TPR: variants seen among roughly 807,000 people sequenced by gnomAD.
The protein encoded by TPR is translocated promoter region, nuclear basket protein.
A neutral mutation model predicts 316.1 loss-of-function variants in TPR; 51 were observed. That is an observed-to-expected ratio of 0.16 (90% CI 0.13 to 0.20). The LOEUF (loss-of-function observed/expected upper bound fraction) is 0.20, where lower values mean the gene tolerates loss of function less well. TPR is among the 10% of genes least tolerant of loss of function. The pLI is 1.00. For missense variants in TPR, 2,272 were observed against 2,754.8 expected (o/e 0.82, Z 3.92); for synonymous variants, 981 against 914.7 (o/e 1.07, Z -1.31).
chr1:186,333,479 C>T, intron 36 of TPR, 85 bp from the exon 37 acceptor site: 2 of 1,516,484 alleles, frequency 1.3e-6, no homozygotes, highest in African/African-American at 1.4e-5. Context: ...GTACATGTCA[C>T]CTTTCACACA....
rs1221995603 is a variant in TPR at position 186,318,847 on chromosome 1, A to G, written c.6569-19T>C. 3.1e-6 allele frequency: 5 copies of G among 1,605,202 alleles called. No homozygotes were observed. The highest frequency in any genetic ancestry group is 4.3e-6 in the Non-Finnish European group (5 of 1,174,442). On this transcript the variant is annotated intron_variant, in intron 46 of 50. Transcript: ENST00000367478. ...CCTAAACCTAAAGACAATTCTGAAT[A>G]TTAATGAATGACTGAAAAAAACATA...
chr1:186,342,867 G>A (rs1234849448), intron 27 of TPR: 1 of 152,012 alleles, frequency 6.6e-6, no homozygotes, highest in Admixed American at 6.6e-5. Context: ...TTGCTCCTTG[G>A]GTGAGAAAGA....
chr1:186,342,554 C>T (rs1392620111), intron 27 of TPR: 1 of 152,160 alleles, frequency 6.6e-6, no homozygotes, highest in Non-Finnish European at 1.5e-5. Flanking sequence ...GGATATAATT[C>T]TGGAACCTTT....
At chr1:186,354,308 A>G (rs1240604243) in intron 17 of TPR, among the ~76,000 whole-genome samples, 3 of 152,186 alleles carry the variant, frequency 2.0e-5, no homozygotes, top group African/African-American at 7.2e-5. Context: ...TAAAAAATCA[A>G]TTATATTTAA....
chr1:186,317,828 G>A (rs569584258), intron 48 of TPR, among the ~76,000 whole-genome samples: 1 of 152,162 alleles, frequency 6.6e-6, no homozygotes, highest in East Asian at 1.9e-4. Flanking sequence ...TCCAATTTTA[G>A]TTTATGATTT....
intron 4 of TPR, among the ~76,000 whole-genome samples, chr1:186,364,740 T>C (rs1050805598): frequency 6.6e-6 from 1 of 152,238 alleles, no homozygotes; most frequent in Non-Finnish European, 1.5e-5. Flanking sequence ...AAGAAAATCA[T>C]TGAGAAAGGT....
chr1:186,368,870 T>C (rs553426257), intron 3 of TPR, among the ~76,000 whole-genome samples: 1 of 152,336 alleles, frequency 6.6e-6, no homozygotes, highest in African/African-American at 2.4e-5. Context: ...CTCTGAGTTT[T>C]ATGGCTTCAG....
intron 42 of TPR, 163 bp downstream of exon 42, chr1:186,325,601 T>C (rs1043641107): frequency 3.7e-6 from 2 of 539,068 alleles, no homozygotes; most frequent in African/African-American, 1.9e-5. Context: ...CAATCATAAA[T>C]ATAGTAGACT....
In TPR at chr1:186,347,333, T is replaced by C. The variant is rs1267221053; in HGVS notation, c.2902A>G (p.Met968Val). ...AGGGATTCTTCTAAACTAGTAACCATTGCTTGATATTGTTCCACATTGCTC... is the reference window on the plus strand; with the variant it reads ...AGGGATTCTTCTAAACTAGTAACCACTGCTTGATATTGTTCCACATTGCTC... Reference protein sequence around the residue: ...STSNVEQYQAMVTSLEESLNK... With the variant: ...STSNVEQYQAVVTSLEESLNK... Residue 968 changes from methionine to valine, a missense_variant, in exon 22 of 51, where the codon ATG becomes GTG. By Grantham distance (21) the Met-to-Val change is conservative. Transcript: ENST00000367478. 9 of 1,614,018 alleles carry C rather than the reference T, an allele frequency of 5.6e-6. No homozygotes were observed. The highest frequency in any genetic ancestry group is 5.1e-6 in the Non-Finnish European group (6 of 1,179,954).
chr1:186,346,530 A>G (rs866116242), intron 22 of TPR, among the ~76,000 whole-genome samples: 5 of 152,088 alleles, frequency 3.3e-5, no homozygotes, highest in Admixed American at 6.6e-5. Flanking sequence ...GAAATTTCCA[A>G]TCTCTCATTT....
chr1:186,329,622 C>T (rs1571607522), intron 39 of TPR, among the ~76,000 whole-genome samples: 1 of 152,102 alleles, frequency 6.6e-6, no homozygotes, highest in South Asian at 2.1e-4. Flanking sequence ...ACATTACACA[C>T]GTGGCTTGCA....
chr1:186,366,581 T>C (rs1014284290), intron 4 of TPR, among the ~76,000 whole-genome samples: 2 of 152,220 alleles, frequency 1.3e-5, no homozygotes, highest in African/African-American at 4.8e-5. Flanking sequence ...TTCTCAACTC[T>C]CTTATTTTAA....
At chr1:186,339,003 G>C (rs1319897048) in intron 30 of TPR, among the ~76,000 whole-genome samples, 1 of 152,116 alleles carries the variant, frequency 6.6e-6, no homozygotes, top group Non-Finnish European at 1.5e-5. Context: ...ATATATAAAT[G>C]GGACCATGAT....
chr1:186,331,195 C>A (rs989244214), intron 39 of TPR, among the ~76,000 whole-genome samples: 1 of 152,010 alleles, frequency 6.6e-6, no homozygotes, highest in Non-Finnish European at 1.5e-5. Flanking sequence ...CAAGATGCAA[C>A]CAGCACTCTT....
chr1:186,345,760 T>A, intron 23 of TPR, 64 bp from the exon 24 acceptor site: 1 of 1,151,020 alleles, frequency 8.7e-7, no homozygotes, highest in African/African-American at 1.5e-5. Context: ...AATACTGTAT[T>A]GTAGTGTTAC....
chr1:186,323,328 A>G (rs566912031), intron 43 of TPR, among the ~76,000 whole-genome samples: 4 of 152,322 alleles, frequency 2.6e-5, no homozygotes, highest in African/African-American at 9.6e-5. Flanking sequence ...TTTTATAAAT[A>G]CGTGCACTGT....
At chr1:186,372,736 T>A (rs919977094) in intron 2 of TPR, among the ~76,000 whole-genome samples, 3 of 152,088 alleles carry the variant, frequency 2.0e-5, no homozygotes, top group African/African-American at 7.2e-5. Flanking sequence ...ACAAGACATA[T>A]CATCCTCCTA....
In TPR at chr1:186,356,357, G is replaced by T. The variant is rs751699610; in HGVS notation, c.1817C>A (p.Ser606Tyr). 1.2e-6 allele frequency: 2 copies of T among 1,613,786 alleles called. No homozygotes were observed. The highest frequency in any genetic ancestry group is 1.7e-6 in the Non-Finnish European group (2 of 1,179,838). The change falls in exon 15 of 51, where the codon TCC becomes TAC. Residue 606 changes from serine (S) to tyrosine (Y), a missense_variant. By Grantham distance (144) the Ser-to-Tyr change is moderately radical. Around this residue, in one of 10 missense-constraint regions of TPR, gnomAD observed 757 missense variants for 859.8 expected, o/e 0.88. Transcript: ENST00000367478. ...GTACATATCACGCTGACGAACTATG[G>T]AATCAACAAGCTGCATTTGATGCTG... ...SRQHQMQLVD[S>Y]IVRQRDMYRI...
chr1:186,314,789 A>T, intron 49 of TPR, 65 bp from the exon 50 acceptor site: 1 of 1,001,570 alleles, frequency 1.0e-6, no homozygotes, highest in Non-Finnish European at 1.5e-6. Flanking sequence ...ATAATGATAC[A>T]AACTAATTAC....
Sources: gnomAD v4.1 joint callset for allele counts (sites outside exome capture counted in the v4.1 genomes callset) on GRCh38, gnomAD v4.1.1 for gene constraint, gnomAD v4.1.1 regional missense constraint, MANE v1.5 for transcripts, NCBI Gene and HGNC (gene_info 2026-07-23, HGNC 2026-07-21) for gene names.